Variants in WSCD2 observed in about 807,000 individuals in gnomAD.
WSCD2 encodes the protein WSC domain sialate O sulfotransferase 2.
In WSCD2, 28 loss-of-function variants were observed where a neutral mutation model predicts 55.7. That is an observed-to-expected ratio of 0.50 (90% CI 0.37 to 0.69). The LOEUF (loss-of-function observed/expected upper bound fraction) is 0.69. Ranked by LOEUF, WSCD2 falls within the 30% of genes least tolerant of loss-of-function variation. The pLI, the probability that WSCD2 is intolerant of heterozygous loss-of-function variation, is 0.00. For missense variants in WSCD2, 616 were observed against 762.1 expected (o/e 0.81, Z 2.26); for synonymous variants, 301 against 301.9 (o/e 1.00, Z 0.03).
intron 3 of WSCD2, among the ~76,000 whole-genome samples, chr12:108,209,504 G>C (rs536391282): frequency 1.3e-5 from 2 of 152,118 alleles, no homozygotes; most frequent in African/African-American, 2.4e-5. Flanking sequence ...GGTGTACCAT[G>C]AGCAGGTGTG....
intron 1 of WSCD2, among the ~76,000 whole-genome samples, chr12:108,151,829 G>A (rs1194034301): frequency 6.6e-6 from 1 of 152,152 alleles, no homozygotes; most frequent in Non-Finnish European, 1.5e-5. Flanking sequence ...CCAATTAATT[G>A]CTCTCTTTGG....
chr12:108,228,832 T>G (rs1888417580), intron 6 of WSCD2, among the ~76,000 whole-genome samples: 1 of 152,234 alleles, frequency 6.6e-6, no homozygotes. Context: ...GAGAGCCTAG[T>G]GAGCATGTGG....
chr12:108,168,710 A>G (rs1879917627), intron 1 of WSCD2, among the ~76,000 whole-genome samples: 1 of 152,242 alleles, frequency 6.6e-6, no homozygotes, highest in Admixed American at 6.5e-5. Flanking sequence ...TGCTAGCTTG[A>G]AAGAATGGTT....
chr12:108,226,381 G>A lies in WSCD2; in HGVS notation c.805-609G>A, dbSNP rs181297859. 1.3e-4 allele frequency among the ~76,000 whole-genome samples: 20 copies of A among 152,132 alleles called. No individual in the cohort carries two copies. In the East Asian group the frequency reaches 3.7e-3, roughly 28 times the overall value. On this transcript the variant is annotated intron_variant, in intron 5 of 8. Transcript: ENST00000547525. ...AACACAGGGTATCAGTATCTCCTTT[G>A]GCTTAAAAGAGCAGACTCAGACAGC...
chr12:108,139,963 A>AC (rs1287834397), intron 1 of WSCD2, among the ~76,000 whole-genome samples: 6 of 152,094 alleles, frequency 3.9e-5, no homozygotes, highest in Non-Finnish European at 7.4e-5. Context: ...CACTGGCGTC[A>AC]CCTTTCTGTG....
At chr12:108,191,836 G>T (rs764043975) in intron 1 of WSCD2, among the ~76,000 whole-genome samples, 1 of 152,144 alleles carries the variant, frequency 6.6e-6, no homozygotes, top group Non-Finnish European at 1.5e-5. Flanking sequence ...CTCTGAAAGT[G>T]GGGGGTGGAC....
At chr12:108,226,781 A>G (rs549081769) in intron 5 of WSCD2, among the ~76,000 whole-genome samples, 1 of 152,380 alleles carries the variant, frequency 6.6e-6, no homozygotes, top group South Asian at 2.1e-4. Flanking sequence ...CTTAAAGGAA[A>G]CGAATAAGTA....
intron 4 of WSCD2, among the ~76,000 whole-genome samples, chr12:108,212,615 A>T (rs4964659): frequency 0.11 from 5,679 of 50,248 alleles, 129 homozygotes; most frequent in Non-Finnish European, 0.19. Flanking sequence ...TCTCTCTCTC[A>T]CACACACACA....
At chr12:108,193,901 T>A (rs1883540480) in intron 1 of WSCD2, among the ~76,000 whole-genome samples, 1 of 152,240 alleles carries the variant, frequency 6.6e-6, no homozygotes, top group Admixed American at 6.5e-5. Context: ...ATAAATGGGA[T>A]GGCAGACTCT....
intron 1 of WSCD2, among the ~76,000 whole-genome samples, chr12:108,156,211 C>T (rs1040209546): frequency 1.3e-5 from 2 of 152,146 alleles, no homozygotes; most frequent in African/African-American, 2.4e-5. Context: ...GGGAGGAACA[C>T]GTGCTCTGAA....
At chr12:108,242,688 C>T (rs1414515941) in intron 8 of WSCD2, among the ~76,000 whole-genome samples, 6 of 152,088 alleles carry the variant, frequency 3.9e-5, no homozygotes, top group Non-Finnish European at 7.4e-5. Flanking sequence ...AAACGTGTGC[C>T]GTGGTGGTTT....
chr12:108,228,136 C>A (rs889935813), intron 6 of WSCD2, among the ~76,000 whole-genome samples: 2 of 152,128 alleles, frequency 1.3e-5, no homozygotes, highest in Non-Finnish European at 2.9e-5. Flanking sequence ...CAATAAAACC[C>A]GTTTCTCCTG....
intron 1 of WSCD2, among the ~76,000 whole-genome samples, chr12:108,190,655 A>T (rs541525818): frequency 6.6e-6 from 1 of 152,270 alleles, no homozygotes; most frequent in East Asian, 1.9e-4. Context: ...CCAGAGCCTC[A>T]TTCTGGTGCT....
chr12:108,144,648 G>A (rs771703789), intron 1 of WSCD2, among the ~76,000 whole-genome samples: 11 of 152,128 alleles, frequency 7.2e-5, no homozygotes, highest in Non-Finnish European at 1.3e-4. Flanking sequence ...TGCCTTCTAG[G>A]TGTCAGGAGC....
chr12:108,217,970 T>C lies in WSCD2; in HGVS notation c.683-6769T>C, dbSNP rs1414260910. On this transcript the variant is annotated intron_variant, in intron 4 of 8. Transcript: ENST00000547525. The stretch of plus-strand genomic sequence containing the variant: ...CTCTTCCTACTCTGGCCTCCTAATA[T>C]CTAGGCAGGCTGGAAGAAATCACAT... Among the ~76,000 whole-genome samples the C allele has an allele frequency of 2.0e-5, 3 of 152,240 alleles. No individual in the cohort carries two copies. In the East Asian group the frequency reaches 5.8e-4, roughly 29 times the overall value.
At chr12:108,216,643 G>C (rs1886864231) in intron 4 of WSCD2, among the ~76,000 whole-genome samples, 1 of 152,248 alleles carries the variant, frequency 6.6e-6, no homozygotes, top group Non-Finnish European at 1.5e-5. Flanking sequence ...GGTTAGATGG[G>C]GAAGAAAGCT....
chr12:108,228,181 T>A (rs56205364), intron 6 of WSCD2, among the ~76,000 whole-genome samples: 6,612 of 152,172 alleles, frequency 0.043, 215 homozygotes, highest in Middle Eastern at 0.09. Flanking sequence ...GGCACTTGGA[T>A]GGGGATTGGG....
chr12:108,198,941 C>A (rs972899373), intron 2 of WSCD2, among the ~76,000 whole-genome samples: 13 of 152,214 alleles, frequency 8.5e-5, no homozygotes, highest in African/African-American at 3.1e-4. Context: ...AGGTTTAACA[C>A]AAGGTCTGTT....
chr12:108,158,760 T>C (rs1447675228), intron 1 of WSCD2, among the ~76,000 whole-genome samples: 1 of 152,086 alleles, frequency 6.6e-6, no homozygotes, highest in Non-Finnish European at 1.5e-5. Flanking sequence ...GTCATCATAC[T>C]CAAGTCCTCC....
Sources: gnomAD v4.1 joint callset for allele counts (sites outside exome capture counted in the v4.1 genomes callset) on GRCh38, gnomAD v4.1.1 for gene constraint, MANE v1.5 for transcripts, NCBI Gene and HGNC (gene_info 2026-07-23, HGNC 2026-07-21) for gene names.